Variants in TMEM178B observed in about 807,000 individuals in gnomAD.
TMEM178B encodes transmembrane protein 178B.
Under a neutral mutation model 31.0 loss-of-function variants are expected in TMEM178B, and 5 were observed. The observed-to-expected ratio is 0.16, with a 90% CI of 0.08 to 0.34. TMEM178B has a LOEUF of 0.34. TMEM178B is among the 10% of genes least tolerant of loss of function. The pLI, the probability that TMEM178B is intolerant of heterozygous loss-of-function variation, is 1.00. For synonymous variants in TMEM178B, 164 were observed against 164.0 expected (o/e 1.00, Z 0.00); for missense variants, 275 against 400.3 (o/e 0.69, Z 2.67).
intron 3 of TMEM178B, 136 bp from the exon 4 acceptor site, chr7:141,470,400 C>G: frequency 3.5e-6 from 3 of 864,674 alleles, no homozygotes; most frequent in Non-Finnish European, 5.0e-6. Flanking sequence ...ATAACCTGCT[C>G]TTACCTAGAC....
At chr7:141,120,979 A>T (rs78317253) in intron 1 of TMEM178B, among the ~76,000 whole-genome samples, 3,214 of 151,042 alleles carry the variant, frequency 0.021, 75 homozygotes, top group East Asian at 0.12. Context: ...TAATAATAAT[A>T]ATTATTATTA....
chr7:141,508,023 C>T, the TMEM178B span, among the ~76,000 whole-genome samples: 12 of 152,206 alleles, frequency 7.9e-5, no homozygotes, highest in African/African-American at 2.9e-4. Flanking sequence ...GAATTTCTCC[C>T]CAGAAAATGG....
chr7:141,075,703 C>T (rs1218680176), intron 1 of TMEM178B, among the ~76,000 whole-genome samples: 2 of 152,138 alleles, frequency 1.3e-5, no homozygotes, highest in Admixed American at 6.6e-5. Flanking sequence ...TGGTTTTTTT[C>T]CCCTTGTGTT....
chr7:141,097,019 GA>G (rs1219088094), intron 1 of TMEM178B, among the ~76,000 whole-genome samples: 1 of 151,576 alleles, frequency 6.6e-6, no homozygotes, highest in Non-Finnish European at 1.5e-5. Flanking sequence ...GAGTCCAGAA[GA>G]TCAAGGCTGC....
rs1253941332 is a variant in TMEM178B at position 141,475,777 on chromosome 7, CCTTTT to C, written c.*4996_*5000del. On this transcript the variant is annotated 3_prime_UTR_variant, in exon 4 of 4. Transcript: ENST00000565468. ...GCCTGTCTGCCTGCTTTCCTTCCTT[CCTTTT>C]CTTTCCTTTTTTTTTTTGGTCAGTT... The C allele has an allele frequency of 6.7e-6, 1 of 148,672 alleles. No individual in the cohort carries two copies. The highest frequency in any genetic ancestry group is 2.6e-5 in the African/African-American group (1 of 38,100). 9.2% of individuals were successfully genotyped at this position (148,672 alleles called of 1,614,324 possible). A position where few individuals can be genotyped will look rare whatever the true frequency, so the allele number is the denominator to read the frequency against.
intron 2 of TMEM178B, among the ~76,000 whole-genome samples, chr7:141,252,756 C>T (rs1797855853): frequency 6.6e-6 from 1 of 152,216 alleles, no homozygotes; most frequent in South Asian, 2.1e-4. Context: ...ATGGTACAGT[C>T]TCTTACCTAG....
intron 2 of TMEM178B, among the ~76,000 whole-genome samples, chr7:141,402,762 A>T (rs755545764): frequency 4.6e-5 from 7 of 152,218 alleles, no homozygotes; most frequent in Non-Finnish European, 1.0e-4. Flanking sequence ...GCACTTAGGC[A>T]CTCCAAGGTG....
chr7:141,270,460 C>T (rs951993537), intron 2 of TMEM178B, among the ~76,000 whole-genome samples: 1 of 152,144 alleles, frequency 6.6e-6, no homozygotes, highest in African/African-American at 2.4e-5. Flanking sequence ...TAGGTTCTCT[C>T]AATCCTAAAG....
At chr7:141,187,145 T>C (rs1409553225) in intron 1 of TMEM178B, among the ~76,000 whole-genome samples, 1 of 132,622 alleles carries the variant, frequency 7.5e-6, no homozygotes, top group Non-Finnish European at 1.6e-5. Context: ...CCTGTGTCCA[T>C]GTGTTCTCAT....
intron 2 of TMEM178B, among the ~76,000 whole-genome samples, chr7:141,283,898 G>T (rs953747233): frequency 6.6e-6 from 1 of 152,206 alleles, no homozygotes; most frequent in Non-Finnish European, 1.5e-5. Context: ...AGCTGAGAGG[G>T]ACCTGGCAGC....
the TMEM178B span, among the ~76,000 whole-genome samples, chr7:141,488,730 G>A: frequency 1.1e-4 from 16 of 151,844 alleles, no homozygotes; most frequent in East Asian, 1.9e-4. Context: ...GAGCCACCGC[G>A]CCCGGCCTGC....
chr7:141,421,365 C>A (rs557624746), intron 2 of TMEM178B, among the ~76,000 whole-genome samples: 1 of 152,332 alleles, frequency 6.6e-6, no homozygotes, highest in East Asian at 1.9e-4. Flanking sequence ...ACCAGTCATA[C>A]TCACTGAGCC....
At chr7:141,328,058 C>T (rs531953390) in intron 2 of TMEM178B, among the ~76,000 whole-genome samples, 2 of 152,156 alleles carry the variant, frequency 1.3e-5, no homozygotes, top group African/African-American at 2.4e-5. Flanking sequence ...CTTAACTGGA[C>T]CTGGTATCAT....
chr7:141,162,809 T>G lies in TMEM178B; in HGVS notation c.383-49782T>G, dbSNP rs940910562. Among the ~76,000 whole-genome samples, 8 of 152,358 alleles carry G rather than the reference T, an allele frequency of 5.3e-5. No homozygotes were observed. The East Asian group carries it at 1.5e-3, about 29-fold the overall frequency. On this transcript the variant is annotated intron_variant, in intron 1 of 3. Coordinates refer to ENST00000565468, the MANE Select transcript of TMEM178B (RefSeq NM_001195278.2). ...GTGAAGAATAAAGCTCCAGAGAGTGTGTAGGCAGATTTCCTGATCCATTTG... is the reference window on the plus strand; with the variant it reads ...GTGAAGAATAAAGCTCCAGAGAGTGGGTAGGCAGATTTCCTGATCCATTTG...
intron 2 of TMEM178B, among the ~76,000 whole-genome samples, chr7:141,374,811 C>G: frequency 6.6e-6 from 1 of 152,188 alleles, no homozygotes. Flanking sequence ...AAAATTTAAT[C>G]TGATAGATGA....
chr7:141,282,415 A>C (rs1435073854), intron 2 of TMEM178B, among the ~76,000 whole-genome samples: 1 of 152,230 alleles, frequency 6.6e-6, no homozygotes, highest in East Asian at 1.9e-4. Context: ...CTCAACTATA[A>C]GGAATGAATT....
chr7:141,183,047 C>T (rs1796555703), intron 1 of TMEM178B, among the ~76,000 whole-genome samples: 1 of 152,210 alleles, frequency 6.6e-6, no homozygotes, highest in Non-Finnish European at 1.5e-5. Flanking sequence ...ACTAATCAGA[C>T]CTTTTTACTG....
chr7:141,423,889 A>G (rs748487399), intron 2 of TMEM178B, among the ~76,000 whole-genome samples: 2 of 148,094 alleles, frequency 1.4e-5, no homozygotes, highest in South Asian at 2.2e-4. Context: ...GCTCACTGCA[A>G]CCTCCACCTC....
At chr7:141,249,448 A>T (rs927949375) in intron 2 of TMEM178B, among the ~76,000 whole-genome samples, 9 of 152,200 alleles carry the variant, frequency 5.9e-5, no homozygotes, top group Non-Finnish European at 1.2e-4. Context: ...ACGTACTTAT[A>T]CAGTAAATTG....
Sources: gnomAD v4.1 joint callset for allele counts (sites outside exome capture counted in the v4.1 genomes callset) on GRCh38, gnomAD v4.1.1 for gene constraint, MANE v1.5 for transcripts, NCBI Gene and HGNC (gene_info 2026-07-23, HGNC 2026-07-21) for gene names.